LRCH3: variants seen among roughly 807,000 people sequenced by gnomAD.
LRCH3 encodes leucine rich repeats and calponin homology domain containing 3.
In LRCH3, 68 loss-of-function variants were observed where a neutral mutation model predicts 104.5. The ratio of observed to expected loss-of-function variants is 0.65; its 90% CI spans 0.54 to 0.80. The LOEUF (loss-of-function observed/expected upper bound fraction) is 0.80, where lower values mean the gene tolerates loss of function less well. Ranked by LOEUF, LRCH3 falls within the 30% of genes least tolerant of loss-of-function variation. The probability of loss-of-function intolerance (pLI) is 0.00; values close to 1 mark genes in which losing one functional copy is unlikely to be tolerated. For missense variants in LRCH3, 951 were observed against 953.9 expected (o/e 1.00, Z 0.04); for synonymous variants, 344 against 361.3 (o/e 0.95, Z 0.54).
chr3:197,865,950 C>T (rs1243751623), intron 16 of LRCH3, among the ~76,000 whole-genome samples, 162 bp from the exon 17 acceptor site: 2 of 152,120 alleles, frequency 1.3e-5, no homozygotes, highest in African/African-American at 4.8e-5. Flanking sequence ...AAGCGGTCCT[C>T]CTGGTTTCAT....
intron 15 of LRCH3, among the ~76,000 whole-genome samples, chr3:197,863,134 A>G (rs75958464): frequency 0.049 from 7,416 of 152,264 alleles, 638 homozygotes; most frequent in African/African-American, 0.17. Context: ...GTTTGTGTTA[A>G]TTTTAGAGTC....
chr3:197,879,439 G>C (rs1033535510), intron 20 of LRCH3, among the ~76,000 whole-genome samples: 1 of 151,656 alleles, frequency 6.6e-6, no homozygotes, highest in Non-Finnish European at 1.5e-5. Context: ...GAGGTCAGGA[G>C]ATCGAGACCA....
chr3:197,810,814 A>G lies in LRCH3; in HGVS notation c.263-4094A>G, dbSNP rs1044273679. On this transcript the variant is annotated intron_variant, in intron 1 of 20. Coordinates refer to ENST00000425562, the MANE Select transcript of LRCH3 (RefSeq NM_001365715.1). This position sits in a 1 kb window ranked among gnomAD's most constrained non-coding sequence, Gnocchi z 4.0. ...TAAAATGGCATTTAAAGTTATATAA[A>G]TATACTATTTTGATAAAAATAAAAG... Among the ~76,000 whole-genome samples, 122 of 152,262 alleles carry G rather than the reference A, an allele frequency of 8.0e-4. No homozygotes were observed. The highest frequency in any genetic ancestry group is 2.8e-3 in the African/African-American group (117 of 41,552).
At position 197,826,971 on chromosome 3, in the gene LRCH3, C is replaced by T. The variant is rs1410759981; in HGVS notation, c.734C>T (p.Thr245Met). The T allele has an allele frequency of 1.6e-5, 26 of 1,613,856 alleles. 1 individual carries two copies. The highest frequency in any genetic ancestry group is 6.6e-5 in the South Asian group (6 of 91,084). Residue 245 changes from threonine (T) to methionine (M), a missense_variant, in exon 5 of 21, where the codon ACG (threonine) becomes ATG (methionine). By Grantham distance (81) the Thr-to-Met change is moderately conservative. Transcript: ENST00000425562. Reference protein sequence around the residue: ...VCYRNLRHLQTITLDNNPLQS... With the variant: ...VCYRNLRHLQMITLDNNPLQS... The stretch of plus-strand genomic sequence containing the variant: ...TATCGGAACCTCAGGCACCTACAGA[C>T]GATCACCCTAGATAACAATCCACTA...
At chr3:197,796,110 T>C (rs1391192773) in intron 1 of LRCH3, among the ~76,000 whole-genome samples, 2 of 152,158 alleles carry the variant, frequency 1.3e-5, no homozygotes, top group Non-Finnish European at 2.9e-5. Flanking sequence ...GAGCTGCCTT[T>C]CGTATATGAG....
intron 4 of LRCH3, among the ~76,000 whole-genome samples, chr3:197,826,175 G>A (rs1735180887): frequency 6.6e-6 from 1 of 152,162 alleles, no homozygotes; most frequent in Non-Finnish European, 1.5e-5. Flanking sequence ...AACAAGCTGT[G>A]TATTTTATTA....
intron 10 of LRCH3, among the ~76,000 whole-genome samples, chr3:197,840,154 T>C (rs1737579962): frequency 6.6e-6 from 1 of 152,012 alleles, no homozygotes; most frequent in Admixed American, 6.6e-5. Context: ...TTTTGAAAAT[T>C]AGGCCCTGTG....
chr3:197,857,127 C>G (rs1740355135), intron 14 of LRCH3, among the ~76,000 whole-genome samples: 1 of 150,002 alleles, frequency 6.7e-6, no homozygotes, highest in African/African-American at 2.5e-5. Flanking sequence ...ACCCCTCAAG[C>G]TCCTGTTAAC....
At chr3:197,865,564 C>A in intron 16 of LRCH3, 93 bp downstream of exon 16, 1 of 790,642 alleles carries the variant, frequency 1.3e-6, no homozygotes, top group Non-Finnish European at 1.9e-6. Context: ...CGAGGCCTTT[C>A]TGTGTTGACC....
In LRCH3 at chr3:197,811,865, T is replaced by G. The variant is rs941938402; in HGVS notation, c.263-3043T>G. Among the ~76,000 whole-genome samples, 5 of 152,192 alleles carry G rather than the reference T, an allele frequency of 3.3e-5. 1 individual carries two copies. Among genetic ancestry groups the G allele is most frequent in the African/African-American group, 1.2e-4 (5 of 41,448 alleles). ...GTTCAGGAATACTTTGAAATTTTGT[T>G]TCTGTAATTTGTGTATTATTCATTT... is the stretch of plus-strand genomic sequence containing the variant. On this transcript the variant is annotated intron_variant, in intron 1 of 20. Coordinates refer to ENST00000425562, the MANE Select transcript of LRCH3 (RefSeq NM_001365715.1).
intron 1 of LRCH3, among the ~76,000 whole-genome samples, chr3:197,801,735 C>A (rs1056559534): frequency 1.3e-5 from 2 of 152,168 alleles, no homozygotes; most frequent in African/African-American, 4.8e-5. Context: ...TGCTAAATAG[C>A]AAATTATTAC....
intron 3 of LRCH3, 49 bp downstream of exon 3, chr3:197,817,351 T>TGCGTGTATTTTGTGTGTGTGTGC: frequency 6.3e-6 from 1 of 159,628 alleles, no homozygotes. Context: ...TGTGTCTGTG[T>TGCGTGTATTTTGTGTGTGTGTGC]GTGTGTGTGT....
intron 17 of LRCH3, among the ~76,000 whole-genome samples, chr3:197,869,474 T>C (rs1363142703): frequency 1.3e-5 from 2 of 150,406 alleles, no homozygotes; most frequent in Non-Finnish European, 3.0e-5. Flanking sequence ...GCACTGTACC[T>C]GCAGGAAGTA....
chr3:197,819,456 C>G (rs571337950), intron 3 of LRCH3, among the ~76,000 whole-genome samples: 2 of 151,952 alleles, frequency 1.3e-5, no homozygotes, highest in Admixed American at 1.3e-4. Flanking sequence ...TGGCTCATGC[C>G]TGTAATCGCA....
intron 20 of LRCH3, chr3:197,881,013 A>C: frequency 8.1e-7 from 1 of 1,241,244 alleles, no homozygotes; most frequent in Non-Finnish European, 1.0e-6. Context: ...TTTTACTAAT[A>C]CAATTCTGAA....
intron 1 of LRCH3, among the ~76,000 whole-genome samples, chr3:197,811,368 A>G (rs763447962): frequency 4.6e-5 from 7 of 152,110 alleles, no homozygotes; most frequent in Non-Finnish European, 7.4e-5. Flanking sequence ...TTATTCCTAT[A>G]ATATTCTTTA....
At chr3:197,834,605 C>T (rs1367440427) in intron 8 of LRCH3, among the ~76,000 whole-genome samples, 6 of 152,158 alleles carry the variant, frequency 3.9e-5, no homozygotes, top group Admixed American at 6.5e-5. Flanking sequence ...CATCTCCTCA[C>T]GGAGATATTA....
intron 5 of LRCH3, among the ~76,000 whole-genome samples, chr3:197,829,216 A>G (rs1052650070): frequency 6.6e-6 from 1 of 152,344 alleles, no homozygotes; most frequent in East Asian, 1.9e-4. Flanking sequence ...CCTAAAAGTA[A>G]AAGTTGCTTC....
At chr3:197,804,042 G>A (rs979444971) in intron 1 of LRCH3, among the ~76,000 whole-genome samples, 1 of 152,154 alleles carries the variant, frequency 6.6e-6, no homozygotes, top group African/African-American at 2.4e-5. Context: ...TGGATCACTT[G>A]AGGTCAGGAG....
Sources: gnomAD v4.1 joint callset for allele counts (sites outside exome capture counted in the v4.1 genomes callset) on GRCh38, gnomAD v4.1.1 for gene constraint, Gnocchi (gnomAD v3.1) non-coding constraint, MANE v1.5 for transcripts, NCBI Gene and HGNC (gene_info 2026-07-23, HGNC 2026-07-21) for gene names.